The following CDC42BPB variants were observed in gnomAD, a reference collection of about 807,000 sequenced individuals.
CDC42BPB encodes the protein serine/threonine-protein kinase MRCK beta.
Under a neutral mutation model 214.9 loss-of-function variants are expected in CDC42BPB, and 37 were observed. That is an observed-to-expected ratio of 0.17 (90% CI 0.13 to 0.23). CDC42BPB has a LOEUF of 0.23. Among genes scored for constraint, CDC42BPB ranks in the 10% least tolerant of loss-of-function variants. CDC42BPB has a pLI of 1.00. For synonymous variants in CDC42BPB, 931 were observed against 884.0 expected (o/e 1.05, Z -0.94); for missense variants, 1,694 against 2,227.0 (o/e 0.76, Z 4.82).
chr14:102,968,748 C>A, intron 14 of CDC42BPB, 32 bp from the exon 15 acceptor site: 1 of 1,608,976 alleles, frequency 6.2e-7, no homozygotes, highest in Non-Finnish European at 8.5e-7. Flanking sequence ...AATTGACAAA[C>A]CTCTGTGTCC....
At chr14:103,005,699 A>G (rs985822529) in intron 3 of CDC42BPB, among the ~76,000 whole-genome samples, 2 of 151,972 alleles carry the variant, frequency 1.3e-5, no homozygotes, top group African/African-American at 4.8e-5. Flanking sequence ...CCTGTCTCTA[A>G]AACAAGAAAA....
rs759161809 is a variant in CDC42BPB at position 102,966,321 on chromosome 14, G to A, written c.2538C>T (p.Leu846=). 20 of 1,613,842 alleles carry A rather than the reference G, an allele frequency of 1.2e-5. No homozygotes were observed. The highest frequency in any genetic ancestry group is 1.7e-5 in the Admixed American group (1 of 59,994). ...QALASKMTEE[L]EALRSSSLGS... ...CCAGACTAGAACTCCTCAAAGCCTC[G>A]AGCTCTTCGGTCATCTTGGAAGCAA... The change falls in exon 18 of 37, where the codon CTC becomes CTT. Residue 846 remains leucine (L), a synonymous_variant. Coordinates refer to ENST00000361246, the MANE Select transcript of CDC42BPB (RefSeq NM_006035.4).
intron 24 of CDC42BPB, among the ~76,000 whole-genome samples, chr14:102,951,634 CA>C (rs1361786026): frequency 1.3e-5 from 2 of 152,012 alleles, no homozygotes. Flanking sequence ...ACTAAGAACA[CA>C]AAAATTAGCC....
chr14:103,057,088 G>C lies in CDC42BPB; in HGVS notation c.86C>G (p.Thr29Arg). 9.8e-6 allele frequency: 15 copies of C among 1,525,692 alleles called. No individual in the cohort carries two copies. Among genetic ancestry groups the C allele is most frequent in the Non-Finnish European group, 1.3e-5 (15 of 1,141,404 alleles). 94.5% of individuals were successfully genotyped at this position (1,525,692 alleles called of 1,614,324 possible). ...CAGGCAGACGAGCACGTCGAGCAGCGTTTCCACGCTCAGGGCGCTCTCGTT... is the reference window on the plus strand; with the variant it reads ...CAGGCAGACGAGCACGTCGAGCAGCCTTTCCACGCTCAGGGCGCTCTCGTT... Reference protein sequence around the residue: ...WRNESALSVETLLDVLVCLYT... With the variant: ...WRNESALSVERLLDVLVCLYT... The change falls in exon 1 of 37, where the codon ACG becomes AGG. Residue 29 changes from threonine to arginine, a missense_variant. By Grantham distance (71) the Thr-to-Arg change is moderately conservative (BLOSUM62 -1). This residue lies in a region of CDC42BPB where 83 missense variants were observed against 79.9 expected (regional missense o/e 1.04). Coordinates refer to ENST00000361246, the MANE Select transcript of CDC42BPB (RefSeq NM_006035.4).
chr14:102,946,354 G>T, intron 28 of CDC42BPB, 114 bp downstream of exon 28: 1 of 1,174,528 alleles, frequency 8.5e-7, no homozygotes, highest in Non-Finnish European at 1.2e-6. Flanking sequence ...TGGAGAAACT[G>T]TCTACAAACC....
Position 102,939,916 on chromosome 14 carries a change from G to A in CDC42BPB, c.4623C>T (p.Asp1541=). The A allele has an allele frequency of 6.2e-7, 1 of 1,614,010 alleles. No individual in the cohort carries two copies. Among genetic ancestry groups the A allele is most frequent in the Non-Finnish European group, 8.5e-7 (1 of 1,180,048 alleles). Reference sequence around the variant, plus strand: ...TGCGCAGCATCTGCTTCTTGCTGTTGTCGGAGGTGTCCGGCACGTTGAGAA... The same window carrying A: ...TGCGCAGCATCTGCTTCTTGCTGTTATCGGAGGTGTCCGGCACGTTGAGAA... ...GAVLNVPDTS[D]NSKKQMLRTR... is the part of the protein sequence containing the mutation. Residue 1541 remains aspartate, a synonymous_variant, in exon 33 of 37, where the codon GAC becomes GAT. Transcript: ENST00000361246.
Position 102,952,507 on chromosome 14 carries a change from C to A in CDC42BPB, c.3163G>T (p.Ala1055Ser). The A allele has an allele frequency of 6.2e-7, 1 of 1,606,232 alleles. No individual in the cohort carries two copies. The highest frequency in any genetic ancestry group is 8.5e-7 in the Non-Finnish European group (1 of 1,173,496). The part of the protein sequence containing the change: ...LMVGLIRQGY[A>S]CEVCSFACHV... ...CTGCAACGACACTCACCCTCGCAGG[C>A]GTAGCCCTGCCGGATCAGCCCAACC... The change falls in exon 24 of 37, where the codon GCC (alanine) becomes TCC (serine). Residue 1055 changes from alanine (A) to serine (S), a missense_variant. Physicochemically the swap from Ala to Ser is moderately conservative, Grantham distance 99 (BLOSUM62 1). Coordinates refer to ENST00000361246, the MANE Select transcript of CDC42BPB (RefSeq NM_006035.4).
Position 102,932,875 on chromosome 14 carries a change from T to TTG in CDC42BPB, c.*836_*837insCA, listed in dbSNP as rs1555382397. On this transcript the variant is annotated 3_prime_UTR_variant, in exon 37 of 37. Coordinates refer to ENST00000361246, the MANE Select transcript of CDC42BPB (RefSeq NM_006035.4). ...GGGCTCCATGCGGGGGCAGGACTGG[T>TTG]GGGGGGGGGGGCGGGCAGGGCGGGG... 2 of 60,612 alleles carry TTG rather than the reference T, an allele frequency of 3.3e-5. No homozygotes were observed. The highest frequency in any genetic ancestry group is 8.0e-4 in the East Asian group (2 of 2,498). The allele number at this position is 60,612 out of a possible 1,614,324, so 3.8% of individuals were successfully genotyped here.
intron 5 of CDC42BPB, among the ~76,000 whole-genome samples, chr14:102,988,369 AAT>A (rs1222627204): frequency 2.0e-5 from 3 of 151,034 alleles, no homozygotes; most frequent in Non-Finnish European, 4.4e-5. Context: ...AAAAAAAAAA[AAT>A]ACCTGAATCT....
intron 1 of CDC42BPB, among the ~76,000 whole-genome samples, chr14:103,043,528 G>A (rs961091164): frequency 5.9e-5 from 9 of 152,106 alleles, no homozygotes; most frequent in Non-Finnish European, 1.2e-4. Context: ...GGGTAGAGTT[G>A]GGGATAATAG....
chr14:102,955,533 A>G (rs1030509736), intron 21 of CDC42BPB, among the ~76,000 whole-genome samples: 1 of 152,268 alleles, frequency 6.6e-6, no homozygotes. Context: ...GAGTAGATTT[A>G]AGAATTTCCT....
chr14:102,944,559 TAA>T lies in CDC42BPB; in HGVS notation c.3812-74_3812-73del. The T allele has an allele frequency of 3.2e-6, 5 of 1,547,864 alleles. No homozygotes were observed. Among genetic ancestry groups the T allele is most frequent in the Non-Finnish European group, 4.4e-6 (5 of 1,147,664 alleles). On this transcript the variant is annotated intron_variant, in intron 29 of 36. Transcript: ENST00000361246. The surrounding 1 kb of genome is among the most constrained non-coding windows in gnomAD (Gnocchi z 6.6). ...GCTCCCAGGGGCTGACGGCCTTGGC[TAA>T]AGACTTGCCTGGAACACTCTGGGGC...
chr14:103,017,985 G>C (rs2139661535), intron 1 of CDC42BPB, among the ~76,000 whole-genome samples: 1 of 152,342 alleles, frequency 6.6e-6, no homozygotes, highest in African/African-American at 2.4e-5. Context: ...CCACTTTCAT[G>C]GAAGACAATT....
At chr14:102,983,826 C>T in intron 6 of CDC42BPB, 70 bp from the exon 7 acceptor site, 1 of 1,534,110 alleles carries the variant, frequency 6.5e-7, no homozygotes, top group Non-Finnish European at 8.7e-7. Flanking sequence ...ACTACTTTCT[C>T]TAAAATATAG....
intron 1 of CDC42BPB, among the ~76,000 whole-genome samples, chr14:103,031,111 A>C (rs1343534481): frequency 6.6e-6 from 1 of 151,938 alleles, no homozygotes; most frequent in African/African-American, 2.4e-5. Context: ...TTTTATGCTG[A>C]TATTTTTCAG....
chr14:102,992,481 G>A (rs1421003330), intron 5 of CDC42BPB, among the ~76,000 whole-genome samples: 4 of 152,246 alleles, frequency 2.6e-5, no homozygotes, highest in Middle Eastern at 3.4e-3. Context: ...TGCTCCTCTC[G>A]TTACGGAAGA....
Position 102,933,607 on chromosome 14 carries a change from A to G in CDC42BPB, c.*105T>C. On this transcript the variant is annotated 3_prime_UTR_variant, in exon 37 of 37. Coordinates refer to ENST00000361246, the MANE Select transcript of CDC42BPB (RefSeq NM_006035.4). ...GTCTTCTTCATCTCCATATCTACAA[A>G]GTGATTCTACATTTCCTTGGACAAC... The G allele has an allele frequency of 1.1e-6, 1 of 893,942 alleles. No homozygotes were observed. The highest frequency in any genetic ancestry group is 1.8e-5 in the African/African-American group (1 of 56,556). The allele number at this position is 893,942 out of a possible 1,614,324, so 55.4% of individuals were successfully genotyped here.
At position 102,983,418 on chromosome 14, in the gene CDC42BPB, CCA is replaced by C. The variant is rs1475941141; in HGVS notation, c.891+136_891+137del. On this transcript the variant is annotated intron_variant, in intron 7 of 36. Transcript: ENST00000361246. ...AATGTCTACTCCAATCTGCCTGTCC[CCA>C]GTTTGGTCCAAACCCCGTCACCTCT... is the stretch of plus-strand genomic sequence containing the variant. 3.0e-6 allele frequency: 4 copies of C among 1,317,374 alleles called. No homozygotes were observed. The African/African-American group carries it at 5.9e-5, about 19-fold the overall frequency. 81.6% of individuals were successfully genotyped at this position (1,317,374 alleles called of 1,614,324 possible).
intron 1 of CDC42BPB, among the ~76,000 whole-genome samples, chr14:103,020,479 C>T (rs901843136): frequency 1.1e-4 from 16 of 152,252 alleles, no homozygotes; most frequent in African/African-American, 2.9e-4. Flanking sequence ...CACCTACCGA[C>T]GGCCCAGCAA....
Sources: gnomAD v4.1 joint callset for allele counts (sites outside exome capture counted in the v4.1 genomes callset) on GRCh38, gnomAD v4.1.1 for gene constraint, gnomAD v4.1.1 regional missense constraint, Gnocchi (gnomAD v3.1) non-coding constraint, MANE v1.5 for transcripts, NCBI Gene and HGNC (gene_info 2026-07-23, HGNC 2026-07-21) for gene names.